Variants in EEFSEC observed in about 807,000 individuals in gnomAD.
EEFSEC encodes eukaryotic elongation factor, selenocysteine-tRNA specific.
In EEFSEC, 43 loss-of-function variants were observed where a neutral mutation model predicts 42.1. The observed-to-expected ratio is 1.02, with a 90% CI of 0.80 to 1.32. The LOEUF (loss-of-function observed/expected upper bound fraction) is 1.32, where lower values mean the gene tolerates loss of function less well. Among genes scored for constraint, EEFSEC ranks in the 40% most tolerant of loss-of-function variants. The pLI is 0.00. For missense variants in EEFSEC, 745 were observed against 803.6 expected, an observed-to-expected ratio of 0.93 and a Z score of 0.88; for synonymous variants, 354 against 339.1, an observed-to-expected ratio of 1.04 and a Z score of -0.48.
intron 1 of EEFSEC, among the ~76,000 whole-genome samples, chr3:128,169,287 G>T (rs2065270944): frequency 6.6e-6 from 1 of 152,206 alleles, no homozygotes; most frequent in Admixed American, 6.5e-5. Flanking sequence ...TAGCACACAT[G>T]AGGGTCCTGA....
chr3:128,181,140 T>C (rs969659908), intron 1 of EEFSEC, among the ~76,000 whole-genome samples: 2 of 152,158 alleles, frequency 1.3e-5, no homozygotes. Flanking sequence ...GGAGTCAGCC[T>C]GGGCGTGAGT....
chr3:128,306,665 A>G (rs758090193), intron 4 of EEFSEC, among the ~76,000 whole-genome samples: 3 of 152,236 alleles, frequency 2.0e-5, no homozygotes, highest in African/African-American at 4.8e-5. Context: ...CATCTGTAAA[A>G]TGGGTAGTTG....
chr3:128,197,778 G>C (rs1313406266), intron 1 of EEFSEC, among the ~76,000 whole-genome samples: 1 of 152,076 alleles, frequency 6.6e-6, no homozygotes, highest in Non-Finnish European at 1.5e-5. Context: ...ATCATCATCA[G>C]TAAATGGAGC....
intron 6 of EEFSEC, among the ~76,000 whole-genome samples, chr3:128,365,734 CAGG>C (rs1360905720): frequency 6.6e-6 from 1 of 152,204 alleles, no homozygotes; most frequent in Non-Finnish European, 1.5e-5. Flanking sequence ...GGCTGCTTCA[CAGG>C]AGATTAACCA....
At chr3:128,389,359 A>C (rs1044541016) in intron 6 of EEFSEC, among the ~76,000 whole-genome samples, 2 of 152,204 alleles carry the variant, frequency 1.3e-5, no homozygotes, top group Admixed American at 6.5e-5. Flanking sequence ...ATTTCCCCAC[A>C]CAGAGTGGTC....
the EEFSEC span, among the ~76,000 whole-genome samples, chr3:128,415,235 G>A: frequency 4.3e-4 from 65 of 152,320 alleles, no homozygotes; most frequent in African/African-American, 1.5e-3. Context: ...CATGGGGAGG[G>A]ATAGAGCTAG....
chr3:128,367,573 C>G, intron 6 of EEFSEC: 1 of 939,044 alleles, frequency 1.1e-6, no homozygotes, highest in Non-Finnish European at 1.3e-6. Flanking sequence ...AGAGCCACAT[C>G]CTGTTTCCAC....
chr3:128,224,723 A>T (rs1425107724), intron 1 of EEFSEC, among the ~76,000 whole-genome samples: 1 of 152,212 alleles, frequency 6.6e-6, no homozygotes, highest in Admixed American at 6.5e-5. Context: ...TTCTTGCGTA[A>T]ATCAATGTCA....
chr3:128,244,631 G>A (rs548231373), intron 1 of EEFSEC, among the ~76,000 whole-genome samples: 8 of 152,238 alleles, frequency 5.3e-5, no homozygotes, highest in South Asian at 2.1e-4. Context: ...AAAAGGAACC[G>A]AAGAATGTAC....
chr3:128,421,566 T>C, the EEFSEC span, among the ~76,000 whole-genome samples: 2 of 152,226 alleles, frequency 1.3e-5, no homozygotes, highest in Non-Finnish European at 2.9e-5. Flanking sequence ...AGCCCCATAG[T>C]TGTGAACACC....
At chr3:128,156,549 C>T (rs1314174177) in intron 1 of EEFSEC, among the ~76,000 whole-genome samples, 1 of 152,222 alleles carries the variant, frequency 6.6e-6, no homozygotes, top group Non-Finnish European at 1.5e-5. Flanking sequence ...GCATTGCTTA[C>T]TTTGTGTCTC....
chr3:128,409,522 C>T (rs1007236666), downstream of EEFSEC, among the ~76,000 whole-genome samples: 2 of 152,346 alleles, frequency 1.3e-5, no homozygotes, highest in Admixed American at 6.5e-5. Context: ...CAGACCCAGG[C>T]AGCAGGGCTG....
chr3:128,246,368 A>G (rs1312771328), intron 1 of EEFSEC, among the ~76,000 whole-genome samples: 2 of 152,126 alleles, frequency 1.3e-5, no homozygotes, highest in African/African-American at 2.4e-5. Flanking sequence ...TCCACTCCCT[A>G]ATCCTCCCCC....
intron 4 of EEFSEC, among the ~76,000 whole-genome samples, chr3:128,335,456 C>T (rs541123133): frequency 6.6e-6 from 1 of 152,288 alleles, no homozygotes; most frequent in Non-Finnish European, 1.5e-5. Flanking sequence ...GTGCAGAGGC[C>T]ATGAGGTGGG....
intron 4 of EEFSEC, among the ~76,000 whole-genome samples, chr3:128,281,092 A>G (rs1333827774): frequency 2.0e-5 from 3 of 152,230 alleles, no homozygotes; most frequent in Admixed American, 6.5e-5. Context: ...TTTCCTGTCC[A>G]TGGAAAGCCT....
At chr3:128,404,445 G>A (rs11717030) in intron 6 of EEFSEC, among the ~76,000 whole-genome samples, 15,040 of 152,286 alleles carry the variant, frequency 0.099, 1,073 homozygotes, top group East Asian at 0.35. Context: ...ATTGGGCCAC[G>A]CCTGTCTCCC....
chr3:128,251,196 A>G (rs1221980676), intron 2 of EEFSEC, among the ~76,000 whole-genome samples: 1 of 152,048 alleles, frequency 6.6e-6, no homozygotes, highest in South Asian at 2.1e-4. Flanking sequence ...CATTTTACAT[A>G]TCATTTGCTC....
chr3:128,348,275 T>TGTGTGC (rs1352006119), intron 5 of EEFSEC, among the ~76,000 whole-genome samples: 1 of 150,218 alleles, frequency 6.7e-6, no homozygotes, highest in Admixed American at 6.6e-5. Context: ...TGTGTGCGTG[T>TGTGTGC]GCGTGTGTGT....
chr3:128,354,457 G>A (rs2067427559), intron 5 of EEFSEC, among the ~76,000 whole-genome samples: 1 of 152,164 alleles, frequency 6.6e-6, no homozygotes, highest in South Asian at 2.1e-4. Flanking sequence ...TCAGTGAACC[G>A]AGCTGCACCA....
Sources: allele counts gnomAD v4.1 joint callset (sites outside exome capture counted in the v4.1 genomes callset), GRCh38; gene constraint gnomAD v4.1.1; transcripts MANE v1.5; gene names NCBI Gene and HGNC (gene_info 2026-07-23, HGNC 2026-07-21).